GNB4: variants seen among roughly 807,000 people sequenced by gnomAD.
GNB4 encodes the protein G protein subunit beta 4.
GNB4 carries 28 observed loss-of-function variants against 45.2 expected under a neutral mutation model. The ratio of observed to expected loss-of-function variants is 0.62; its 90% CI spans 0.46 to 0.85. The LOEUF (loss-of-function observed/expected upper bound fraction) is 0.85. GNB4 is among the 40% of genes least tolerant of loss of function. The pLI is 0.00. For missense variants in GNB4, 321 were observed against 425.4 expected (o/e 0.75, Z 2.16); for synonymous variants, 132 against 143.7 (o/e 0.92, Z 0.58).
At chr3:179,511,794 A>G in the GNB4 span, among the ~76,000 whole-genome samples, 1 of 152,090 alleles carries the variant, frequency 6.6e-6, no homozygotes, top group Non-Finnish European at 1.5e-5. Context: ...TTAACACCTC[A>G]TCTGGTGCTT....
chr3:179,473,921 G>T, the GNB4 span, among the ~76,000 whole-genome samples: 1 of 152,178 alleles, frequency 6.6e-6, no homozygotes, highest in South Asian at 2.1e-4. Context: ...TATAAAGGAT[G>T]AGAAGAAAGA....
At chr3:179,520,737 C>A in the GNB4 span, among the ~76,000 whole-genome samples, 1 of 152,110 alleles carries the variant, frequency 6.6e-6, no homozygotes, top group Non-Finnish European at 1.5e-5. Flanking sequence ...TTCCTGATAC[C>A]ACACCTGACC....
rs1715870929 is a variant in GNB4 at position 179,451,420 on chromosome 3, G to A, written c.-117C>T. 6.6e-6 allele frequency: 1 copy of A among 151,210 alleles called. No homozygotes were observed. The highest frequency in any genetic ancestry group is 1.5e-5 in the Non-Finnish European group (1 of 67,704). 9.4% of individuals were successfully genotyped at this position (151,210 alleles called of 1,614,324 possible). The stretch of plus-strand genomic sequence containing the variant: ...GGCGCTCAGCAGCCCCTGGAGCGCG[G>A]AGCCGGCGTGGAGAGCGCAGCTCAC... On this transcript the variant is annotated 5_prime_UTR_variant, in exon 1 of 10. Coordinates refer to ENST00000232564, the MANE Select transcript of GNB4 (RefSeq NM_021629.4).
intron 8 of GNB4, among the ~76,000 whole-genome samples, chr3:179,408,937 G>A (rs1015102229): frequency 6.6e-6 from 1 of 151,680 alleles, no homozygotes; most frequent in Non-Finnish European, 1.5e-5. Flanking sequence ...CTTCAGCCCA[G>A]GAGTTCGAGA....
intron 8 of GNB4, 54 bp downstream of exon 8, chr3:179,413,358 A>G: frequency 7.3e-7 from 1 of 1,369,018 alleles, no homozygotes; most frequent in South Asian, 1.2e-5. Flanking sequence ...CATGCCATAG[A>G]GCTCAACACT....
chr3:179,456,520 C>T, the GNB4 span, among the ~76,000 whole-genome samples: 1 of 152,146 alleles, frequency 6.6e-6, no homozygotes, highest in Admixed American at 6.5e-5. Flanking sequence ...CAATGGAAAA[C>T]ATCTTGTTTT....
chr3:179,403,795 C>T (rs1714378003), intron 9 of GNB4, among the ~76,000 whole-genome samples: 1 of 69,554 alleles, frequency 1.4e-5, no homozygotes, highest in African/African-American at 4.8e-5. Flanking sequence ...AAGACTCCGT[C>T]TCAAAAAAAT....
the GNB4 span, chr3:179,464,402 C>T: frequency 7.8e-7 from 1 of 1,289,354 alleles, no homozygotes; most frequent in Non-Finnish European, 1.1e-6. Flanking sequence ...AGCCCGTGCA[C>T]AGCTGCTCCC....
chr3:179,517,305 A>AC, the GNB4 span, among the ~76,000 whole-genome samples: 2 of 151,454 alleles, frequency 1.3e-5, no homozygotes, highest in African/African-American at 4.9e-5. Flanking sequence ...CCAGAGAACA[A>AC]CCCCCCTTTG....
At chr3:179,481,150 C>T in the GNB4 span, among the ~76,000 whole-genome samples, 2 of 151,982 alleles carry the variant, frequency 1.3e-5, no homozygotes, top group East Asian at 1.9e-4. Flanking sequence ...TGCGCCCGGC[C>T]GCAAACTGAT....
chr3:179,432,163 C>T (rs372144697), intron 1 of GNB4, among the ~76,000 whole-genome samples: 7 of 152,072 alleles, frequency 4.6e-5, no homozygotes, highest in African/African-American at 7.2e-5. Context: ...GGAAAGGGAG[C>T]GTAGTTATGA....
Position 179,420,909 on chromosome 3 carries a change from T to C in GNB4, c.76A>G (p.Asn26Asp). 1 of 1,591,544 alleles carries C rather than the reference T, an allele frequency of 6.3e-7. No homozygotes were observed. Among genetic ancestry groups the C allele is most frequent in the Non-Finnish European group, 8.6e-7 (1 of 1,163,464 alleles). ...NQIQDARKAC[N>D]DATLVQITSN... is the part of the protein sequence containing the mutation. Reference sequence around the variant, plus strand: ...TTTACCTGAACAAGCGTTGCATCATTACATGCTTTCCGAGCATCCTGAAGT... The same window carrying C: ...TTTACCTGAACAAGCGTTGCATCATCACATGCTTTCCGAGCATCCTGAAGT... Residue 26 changes from asparagine to aspartate, a missense_variant, in exon 3 of 10, where the codon AAT (asparagine) becomes GAT (aspartate). Physicochemically the swap from Asn to Asp is conservative, Grantham distance 23. Coordinates refer to ENST00000232564, the MANE Select transcript of GNB4 (RefSeq NM_021629.4).
chr3:179,430,412 T>G (rs1193177957), intron 1 of GNB4, among the ~76,000 whole-genome samples: 1 of 151,996 alleles, frequency 6.6e-6, no homozygotes, highest in Non-Finnish European at 1.5e-5. Context: ...TATAATAGAA[T>G]AGCTGACTTC....
At chr3:179,421,001 C>T (rs1714965316) in intron 2 of GNB4, 74 bp from the exon 3 acceptor site, 14 of 867,282 alleles carry the variant, frequency 1.6e-5, no homozygotes, top group South Asian at 7.6e-5. Flanking sequence ...TTATTGAAAA[C>T]GTAGATTTGT....
rs755210355 is a variant in GNB4, at chr3:179,413,540, A to ATTT, written c.570_571insAAA (p.Leu190_Ser191insLys). 6.2e-7 allele frequency: 1 copy of ATTT among 1,614,190 alleles called. No individual in the cohort carries two copies. Among genetic ancestry groups the ATTT allele is most frequent in the Non-Finnish European group, 8.5e-7 (1 of 1,180,036 alleles). ...AAAGTCCTCATGTCAGGACTCAAAG[A>ATTT]AAGACTCATCACATCTCCAGAATGC... On this transcript the variant is annotated inframe_insertion, in exon 8 of 10. Transcript: ENST00000232564.
chr3:179,481,482 T>C, the GNB4 span, among the ~76,000 whole-genome samples: 14 of 151,930 alleles, frequency 9.2e-5, no homozygotes, highest in South Asian at 2.9e-3. Context: ...TAGCTAAGCT[T>C]CTTTTATAAA....
At chr3:179,454,647 T>G (rs967951406), upstream of GNB4, among the ~76,000 whole-genome samples, 1 of 152,166 alleles carries the variant, frequency 6.6e-6, no homozygotes, top group Non-Finnish European at 1.5e-5. Context: ...ATGGTCTATA[T>G]TTTTTTCTGA....
At chr3:179,520,533 A>G in the GNB4 span, among the ~76,000 whole-genome samples, 29 of 152,116 alleles carry the variant, frequency 1.9e-4, no homozygotes, top group Admixed American at 3.9e-4. Flanking sequence ...TAATACTTTT[A>G]GAGGCCCTCA....
chr3:179,503,906 G>C, the GNB4 span, among the ~76,000 whole-genome samples: 1 of 152,122 alleles, frequency 6.6e-6, no homozygotes, highest in African/African-American at 2.4e-5. Context: ...CTACTCCTGA[G>C]CCTCTGCATT....
Sources: allele counts gnomAD v4.1 joint callset (sites outside exome capture counted in the v4.1 genomes callset), GRCh38; gene constraint gnomAD v4.1.1; transcripts MANE v1.5; gene names NCBI Gene and HGNC (gene_info 2026-07-23, HGNC 2026-07-21).